DLEU7: variants seen among roughly 807,000 people sequenced by gnomAD.
DLEU7 encodes the protein deleted in lymphocytic leukemia 7.
A neutral mutation model predicts 16.0 loss-of-function variants in DLEU7; 17 were observed. That is an observed-to-expected ratio of 1.06 (90% CI 0.73 to 1.59). The LOEUF is 1.59. Among genes scored for constraint, DLEU7 ranks in the 40% most tolerant of loss-of-function variants. The pLI is 0.00. For missense variants in DLEU7, 308 were observed against 314.9 expected (o/e 0.98, Z 0.17); for synonymous variants, 113 against 139.8 (o/e 0.81, Z 1.35).
chr13:50,753,240 A>C (rs1177467091), intron 1 of DLEU7, among the ~76,000 whole-genome samples: 2 of 152,254 alleles, frequency 1.3e-5, no homozygotes, highest in African/African-American at 4.8e-5. Context: ...GCCCAGCTGG[A>C]TTCACCCAGT....
chr13:50,835,631 A>G (rs2137813676), intron 1 of DLEU7, among the ~76,000 whole-genome samples: 1 of 152,290 alleles, frequency 6.6e-6, no homozygotes, highest in South Asian at 2.1e-4. Flanking sequence ...CCCATGTAAA[A>G]CCAACCCTGA....
chr13:50,811,520 T>C (rs1876566437), intron 1 of DLEU7, among the ~76,000 whole-genome samples: 1 of 152,094 alleles, frequency 6.6e-6, no homozygotes, highest in East Asian at 1.9e-4. Context: ...GAGAGGGAAG[T>C]CTGCTCACCT....
chr13:50,831,531 G>T (rs550886535), intron 1 of DLEU7, among the ~76,000 whole-genome samples: 2 of 152,322 alleles, frequency 1.3e-5, no homozygotes, highest in South Asian at 4.1e-4. Flanking sequence ...ATAGAATTTT[G>T]TGTTGAATAT....
intron 1 of DLEU7, chr13:50,808,782 A>G (rs958921859): frequency 6.6e-6 from 1 of 152,130 alleles, no homozygotes; most frequent in Non-Finnish European, 1.5e-5. Flanking sequence ...GCAATTGGGT[A>G]TAGTAGAAGA....
intron 1 of DLEU7, among the ~76,000 whole-genome samples, chr13:50,741,798 GAATT>G (rs1773927063): frequency 6.6e-6 from 1 of 152,126 alleles, no homozygotes; most frequent in South Asian, 2.1e-4. Flanking sequence ...AATTAAATAT[GAATT>G]AAGTAAGAAT....
At chr13:50,727,293 T>C (rs533132300) in intron 1 of DLEU7, among the ~76,000 whole-genome samples, 10 of 149,530 alleles carry the variant, frequency 6.7e-5, no homozygotes, top group African/African-American at 1.7e-4. Context: ...AAAAATCGTC[T>C]TGTGCTATTC....
chr13:50,762,202 A>G (rs1054591271), intron 1 of DLEU7, among the ~76,000 whole-genome samples: 43 of 151,732 alleles, frequency 2.8e-4, no homozygotes, highest in African/African-American at 1.0e-3. Context: ...AAAAAAAAAA[A>G]AAAAAAAAAG....
chr13:50,766,530 T>A (rs1435772987), intron 1 of DLEU7, among the ~76,000 whole-genome samples: 1 of 151,976 alleles, frequency 6.6e-6, no homozygotes, highest in Non-Finnish European at 1.5e-5. Flanking sequence ...CCACACCACT[T>A]ACCAAACTTC....
intron 1 of DLEU7, among the ~76,000 whole-genome samples, chr13:50,723,897 T>G (rs955776236): frequency 3.3e-5 from 5 of 151,962 alleles, no homozygotes. Flanking sequence ...CATGTATACT[T>G]GTATAGTTGA....
chr13:50,786,003 G>C (rs982849803), intron 1 of DLEU7, among the ~76,000 whole-genome samples: 2 of 152,200 alleles, frequency 1.3e-5, no homozygotes, highest in Non-Finnish European at 2.9e-5. Context: ...CCAGCATTAA[G>C]ATGAAAATTA....
chr13:50,721,385 G>A (rs1354044833), intron 1 of DLEU7, among the ~76,000 whole-genome samples: 3 of 151,984 alleles, frequency 2.0e-5, no homozygotes, highest in Non-Finnish European at 4.4e-5. Context: ...GTGATCGTGT[G>A]AGTCAATTCT....
At chr13:50,823,639 T>C (rs1204131638) in intron 1 of DLEU7, 119 bp from the exon 2 acceptor site, 3 of 1,263,328 alleles carry the variant, frequency 2.4e-6, no homozygotes, top group Non-Finnish European at 3.2e-6. Flanking sequence ...GGTTTTTTTT[T>C]TTCTTGGAAA....
At chr13:50,758,024 G>T (rs868687617) in intron 1 of DLEU7, among the ~76,000 whole-genome samples, 112 of 124,576 alleles carry the variant, frequency 9.0e-4, no homozygotes, top group African/African-American at 3.0e-3. Flanking sequence ...TCATTACCAA[G>T]ATTTTTTTTT....
chr13:50,813,220 G>C (rs1876621598), intron 1 of DLEU7: 1 of 152,104 alleles, frequency 6.6e-6, no homozygotes, highest in Non-Finnish European at 1.5e-5. Context: ...CTAAAATGCT[G>C]TAAGCTTCAG....
At chr13:50,817,221 A>G (rs1876760420) in intron 1 of DLEU7, among the ~76,000 whole-genome samples, 1 of 152,200 alleles carries the variant, frequency 6.6e-6, no homozygotes, top group Non-Finnish European at 1.5e-5. Context: ...ATTTCTGCCA[A>G]CCTTGGAAGT....
rs73495692 is a variant in DLEU7 at position 50,797,866 on chromosome 13, A to G, written c.459+45322T>C. On this transcript the variant is annotated intron_variant, in intron 1 of 1. Coordinates refer to the DLEU7 transcript ENST00000400393. Reference sequence around the variant, plus strand: ...CCAGAATTTAATGGGGGCCACAGAGAAATTGTAAGAACGTACTATTGTCCC... The same window carrying G: ...CCAGAATTTAATGGGGGCCACAGAGGAATTGTAAGAACGTACTATTGTCCC... Among the ~76,000 whole-genome samples the G allele has an allele frequency of 9.0e-3, 1,374 of 152,286 alleles. 23 individuals carry two copies. The highest frequency in any genetic ancestry group is 0.031 in the African/African-American group (1,307 of 41,568).
At chr13:50,742,699 C>A (rs1157300065) in intron 1 of DLEU7, among the ~76,000 whole-genome samples, 1 of 152,128 alleles carries the variant, frequency 6.6e-6, no homozygotes, top group Non-Finnish European at 1.5e-5. Context: ...GGCCAGAAAA[C>A]TAACTGTAAA....
At position 50,810,564 on chromosome 13, in the gene DLEU7, A is replaced by C. The variant is rs533248413; in HGVS notation, c.459+32624T>G. 2.3e-3 allele frequency among the ~76,000 whole-genome samples: 345 copies of C among 152,306 alleles called. 2 individuals are homozygous for C. The highest frequency in any genetic ancestry group is 4.0e-3 in the Non-Finnish European group (273 of 68,004). Reference sequence around the variant, plus strand: ...GCTATTGAAAGTTGAAGACTATATCAGTAAGTGGCCCTGGTCCACAGACGG... The same window carrying C: ...GCTATTGAAAGTTGAAGACTATATCCGTAAGTGGCCCTGGTCCACAGACGG... On this transcript the variant is annotated intron_variant, in intron 1 of 1. Coordinates refer to the DLEU7 transcript ENST00000400393.
chr13:50,825,867 T>A (rs1877065345), intron 1 of DLEU7, among the ~76,000 whole-genome samples: 2 of 152,228 alleles, frequency 1.3e-5, no homozygotes, highest in South Asian at 2.1e-4. Flanking sequence ...AAGATTATTA[T>A]TTTTTATTAT....
Sources: allele counts gnomAD v4.1 joint callset (sites outside exome capture counted in the v4.1 genomes callset), GRCh38; gene constraint gnomAD v4.1.1; transcripts MANE v1.5; gene names NCBI Gene and HGNC (gene_info 2026-07-23, HGNC 2026-07-21).